Variants in MSMO1 observed in about 807,000 individuals in gnomAD.
MSMO1 encodes methylsterol monooxygenase 1.
A neutral mutation model predicts 30.4 loss-of-function variants in MSMO1; 18 were observed. That is an observed-to-expected ratio of 0.59 (90% CI 0.41 to 0.88). The LOEUF (loss-of-function observed/expected upper bound fraction) is 0.88, where lower values mean the gene tolerates loss of function less well. MSMO1 is among the 40% of genes least tolerant of loss of function. The probability of loss-of-function intolerance (pLI) is 0.00; values close to 1 mark genes in which losing one functional copy is unlikely to be tolerated. For missense variants in MSMO1, 284 were observed against 340.5 expected, an observed-to-expected ratio of 0.83 and a Z score of 1.31; for synonymous variants, 84 against 107.9, an observed-to-expected ratio of 0.78 and a Z score of 1.37.
intron 1 of MSMO1, among the ~76,000 whole-genome samples, chr4:165,328,463 C>T (rs1481778692): frequency 1.3e-5 from 2 of 152,106 alleles, no homozygotes; most frequent in Non-Finnish European, 2.9e-5. Context: ...TTATATAGAT[C>T]GTGGCATTGC....
intron 1 of MSMO1, among the ~76,000 whole-genome samples, chr4:165,329,139 G>A (rs1229945607): frequency 6.6e-6 from 1 of 152,180 alleles, no homozygotes; most frequent in Non-Finnish European, 1.5e-5. Context: ...TTAGAAGGGA[G>A]TAAGGAAGGC....
chr4:165,339,404 A>G (rs1227215428), intron 4 of MSMO1, among the ~76,000 whole-genome samples: 2 of 152,108 alleles, frequency 1.3e-5, no homozygotes, highest in African/African-American at 4.8e-5. Context: ...ATGCCCGGCC[A>G]ATTAGAATTG....
At chr4:165,341,466 T>G (rs1747712985) in intron 5 of MSMO1, among the ~76,000 whole-genome samples, 1 of 152,172 alleles carries the variant, frequency 6.6e-6, no homozygotes, top group Non-Finnish European at 1.5e-5. Flanking sequence ...CTTAAAAATC[T>G]GTGTCTAAAG....
chr4:165,339,461 G>A (rs1207663303), intron 4 of MSMO1, among the ~76,000 whole-genome samples: 1 of 152,020 alleles, frequency 6.6e-6, no homozygotes, highest in Non-Finnish European at 1.5e-5. Flanking sequence ...GTTTTGCATT[G>A]ACCGTGATTA....
rs540606863 is a variant in MSMO1, at chr4:165,329,287, CCTT to C, written c.-32+1526_-32+1528del. ...CACTCTATTTTTTAATTTGTCACCT[CCTT>C]CTCCTGTTCTAGGTCTCAGTTTAGA... On this transcript the variant is annotated intron_variant, in intron 1 of 5. Coordinates refer to ENST00000261507, the MANE Select transcript of MSMO1 (RefSeq NM_006745.5). Among the ~76,000 whole-genome samples, 323 of 152,220 alleles carry C rather than the reference CCTT, an allele frequency of 2.1e-3. 1 individual carries two copies. The highest frequency in any genetic ancestry group is 7.6e-3 in the African/African-American group (314 of 41,534).
In MSMO1 at chr4:165,330,104, T is replaced by C. The variant is rs540921389; in HGVS notation, c.-32+2340T>C. Among the ~76,000 whole-genome samples the C allele has an allele frequency of 1.6e-4, 24 of 152,322 alleles. 1 individual carries two copies. In the South Asian group the frequency reaches 5.0e-3, roughly 32 times the overall value. ...TATTCTCCTTGTACTCTAATACTTA[T>C]TATGGGTTTTATTTATAATTATAGT... On this transcript the variant is annotated intron_variant, in intron 1 of 5. Coordinates refer to ENST00000261507, the MANE Select transcript of MSMO1 (RefSeq NM_006745.5).
intron 5 of MSMO1, chr4:165,340,651 A>C: frequency 2.5e-6 from 1 of 392,756 alleles, no homozygotes; most frequent in Non-Finnish European, 4.6e-6. Context: ...CCTAAACTTA[A>C]CTCATATTTG....
chr4:165,332,584 C>T (rs887655955), intron 1 of MSMO1, among the ~76,000 whole-genome samples: 1 of 152,190 alleles, frequency 6.6e-6, no homozygotes, highest in Non-Finnish European at 1.5e-5. Context: ...ATGTATCCCC[C>T]CTGCCCACAG....
chr4:165,337,621 T>G (rs535111956), intron 2 of MSMO1, among the ~76,000 whole-genome samples, 168 bp from the exon 3 acceptor site: 78 of 152,298 alleles, frequency 5.1e-4, no homozygotes, highest in African/African-American at 1.8e-3. Flanking sequence ...CCTGAAGTAG[T>G]GATAGTAGTT....
intron 5 of MSMO1, chr4:165,340,588 T>C (rs1747688941): frequency 5.3e-6 from 3 of 564,080 alleles, no homozygotes; most frequent in Non-Finnish European, 9.4e-6. Context: ...TAATGTGTTA[T>C]TAGGGCAAGT....
At chr4:165,329,194 T>A (rs368941608) in intron 1 of MSMO1, among the ~76,000 whole-genome samples, 4 of 152,288 alleles carry the variant, frequency 2.6e-5, no homozygotes, top group Admixed American at 6.5e-5. Flanking sequence ...TTTTTTCTAA[T>A]CTCCTGGTTG....
At chr4:165,340,565 A>G in intron 5 of MSMO1, 190 bp downstream of exon 5, 1 of 602,692 alleles carries the variant, frequency 1.7e-6, no homozygotes, top group Non-Finnish European at 2.9e-6. Context: ...TGCTGTTATA[A>G]TTTTTATAGT....
At chr4:165,332,585 C>G (rs1036387710) in intron 1 of MSMO1, among the ~76,000 whole-genome samples, 2 of 152,302 alleles carry the variant, frequency 1.3e-5, no homozygotes, top group Middle Eastern at 3.4e-3. Context: ...TGTATCCCCC[C>G]TGCCCACAGT....
At chr4:165,330,174 T>C (rs1444193265) in intron 1 of MSMO1, among the ~76,000 whole-genome samples, 1 of 152,258 alleles carries the variant, frequency 6.6e-6, no homozygotes, top group Non-Finnish European at 1.5e-5. Flanking sequence ...TTAGCATTTG[T>C]TAAGCATTAA....
chr4:165,336,868 T>C (rs1018162930), intron 2 of MSMO1, among the ~76,000 whole-genome samples: 2 of 152,240 alleles, frequency 1.3e-5, no homozygotes, highest in African/African-American at 4.8e-5. Context: ...GAGCTGGATC[T>C]GGAGACCTAG....
chr4:165,339,760 C>G (rs745965813), intron 4 of MSMO1, among the ~76,000 whole-genome samples: 16 of 152,122 alleles, frequency 1.1e-4, no homozygotes, highest in Admixed American at 3.3e-4. Context: ...TCCAGTGAAG[C>G]AGAATCATTG....
intron 2 of MSMO1, among the ~76,000 whole-genome samples, chr4:165,333,966 C>CA (rs1462980872): frequency 2.0e-5 from 3 of 151,968 alleles, no homozygotes; most frequent in African/African-American, 7.3e-5. Context: ...CCTGTCTCTA[C>CA]AAAAAAGATA....
intron 3 of MSMO1, 80 bp downstream of exon 3, chr4:165,338,017 T>G: frequency 1.6e-6 from 2 of 1,277,292 alleles, no homozygotes; most frequent in East Asian, 4.7e-5. Flanking sequence ...CCCGTTTTCT[T>G]AATTTTAGTT....
chr4:165,341,657 T>G, intron 5 of MSMO1, 94 bp from the exon 6 acceptor site: 1 of 1,163,764 alleles, frequency 8.6e-7, no homozygotes, highest in Middle Eastern at 2.8e-4. Flanking sequence ...GCATGTTATC[T>G]AAATTGGTTA....
Sources: allele counts gnomAD v4.1 joint callset (sites outside exome capture counted in the v4.1 genomes callset), GRCh38; gene constraint gnomAD v4.1.1; transcripts MANE v1.5; gene names NCBI Gene and HGNC (gene_info 2026-07-23, HGNC 2026-07-21).